LYPD6B: variants seen among roughly 807,000 people sequenced by gnomAD.
The protein encoded by LYPD6B is ly6/PLAUR domain-containing protein 6B.
In LYPD6B, 17 loss-of-function variants were observed where a neutral mutation model predicts 22.8. That is an observed-to-expected ratio of 0.75 (90% CI 0.51 to 1.12). The LOEUF (loss-of-function observed/expected upper bound fraction) is 1.12, where lower values mean the gene tolerates loss of function less well. Among genes scored for constraint, LYPD6B ranks in the 50% most tolerant of loss-of-function variants. The pLI is 0.00. For missense variants in LYPD6B, 221 were observed against 258.3 expected, an observed-to-expected ratio of 0.86 and a Z score of 0.99; for synonymous variants, 106 against 91.6, an observed-to-expected ratio of 1.16 and a Z score of -0.90.
Position 149,120,388 on chromosome 2 carries a change from T to A in LYPD6B, c.-66-10495T>A, listed in dbSNP as rs368127503. On this transcript the variant is annotated intron_variant, in intron 1 of 6. Transcript: ENST00000409642. ...ATATATATATATATATATATATTTT[T>A]TTTTTTTTTTTTTTGAGATGGAGTC... Among the ~76,000 whole-genome samples the A allele has an allele frequency of 2.8e-3, 244 of 87,198 alleles. 4 individuals carry two copies. The highest frequency in any genetic ancestry group is 0.012 in the South Asian group (30 of 2,414). The allele number at this position is 87,198 out of a possible 152,430, so 57.2% of individuals were successfully genotyped here.
chr2:149,085,376 T>C (rs1047432857), intron 1 of LYPD6B, among the ~76,000 whole-genome samples: 40 of 152,352 alleles, frequency 2.6e-4, no homozygotes, highest in Middle Eastern at 3.4e-3. Flanking sequence ...TTGGTGGCAA[T>C]GCCCTTGCAG....
intron 1 of LYPD6B, among the ~76,000 whole-genome samples, chr2:149,120,784 CTTTTTTTTT>C (rs567231544): frequency 2.1e-5 from 2 of 95,554 alleles, no homozygotes. Flanking sequence ...GCTACAAAGT[CTTTTTTTTT>C]TTTTTTTTTT....
At chr2:149,156,620 C>T (rs1054571461) in intron 2 of LYPD6B, among the ~76,000 whole-genome samples, 1 of 152,126 alleles carries the variant, frequency 6.6e-6, no homozygotes, top group African/African-American at 2.4e-5. Context: ...TCTGTATGTA[C>T]GTGTCCCGAT....
At chr2:149,098,643 A>AAAAAGAAAAGAAAG (rs1553482537) in intron 1 of LYPD6B, among the ~76,000 whole-genome samples, 2 of 130,960 alleles carry the variant, frequency 1.5e-5, no homozygotes, top group African/African-American at 5.8e-5. Context: ...AAAAAAAAAA[A>AAAAAGAAAAGAAAG]AAAAAAGAAA....
At chr2:149,163,512 G>A (rs1030358054) in intron 3 of LYPD6B, among the ~76,000 whole-genome samples, 1 of 152,190 alleles carries the variant, frequency 6.6e-6, no homozygotes, top group African/African-American at 2.4e-5. Flanking sequence ...CATCATGGCT[G>A]TCCAGCTTAT....
At chr2:149,112,130 G>A (rs538911517) in intron 1 of LYPD6B, among the ~76,000 whole-genome samples, 26 of 152,272 alleles carry the variant, frequency 1.7e-4, no homozygotes, top group Admixed American at 9.2e-4. Context: ...ATAAGCAGCT[G>A]TTGAAGTTGT....
chr2:149,207,385 T>G (rs1184087435), intron 4 of LYPD6B, among the ~76,000 whole-genome samples: 3 of 152,142 alleles, frequency 2.0e-5, no homozygotes, highest in East Asian at 3.8e-4. Context: ...ATGAAGAGAA[T>G]GAAACAGTGT....
chr2:149,045,578 T>G (rs1236152160), intron 1 of LYPD6B, among the ~76,000 whole-genome samples: 1 of 152,126 alleles, frequency 6.6e-6, no homozygotes, highest in East Asian at 1.9e-4. Context: ...ATTATACAAT[T>G]TTGAAATGTA....
At chr2:149,039,639 T>C (rs1246052562) in intron 1 of LYPD6B, among the ~76,000 whole-genome samples, 1 of 152,260 alleles carries the variant, frequency 6.6e-6, no homozygotes, top group Middle Eastern at 3.2e-3. Context: ...TTAGGTTATA[T>C]GATGTTCATG....
At chr2:149,097,153 T>C (rs986874417) in intron 1 of LYPD6B, among the ~76,000 whole-genome samples, 1 of 152,234 alleles carries the variant, frequency 6.6e-6, no homozygotes, top group Non-Finnish European at 1.5e-5. Context: ...CATGGCACCA[T>C]GTGCCACTGT....
chr2:149,131,716 G>A (rs1168184704), intron 2 of LYPD6B: 1 of 152,180 alleles, frequency 6.6e-6, no homozygotes, highest in East Asian at 1.9e-4. Context: ...GGATGGAAAA[G>A]CTGTCAGATC....
At chr2:149,064,080 T>C (rs999705356) in intron 1 of LYPD6B, among the ~76,000 whole-genome samples, 1 of 152,230 alleles carries the variant, frequency 6.6e-6, no homozygotes, top group African/African-American at 2.4e-5. Context: ...CAAAATCTGA[T>C]TATACTGATT....
chr2:149,120,375 A>T (rs1559009930), intron 1 of LYPD6B, among the ~76,000 whole-genome samples: 3 of 30,702 alleles, frequency 9.8e-5, no homozygotes, highest in East Asian at 1.7e-3. Context: ...ATATATATAT[A>T]TATATATATT....
chr2:149,095,016 G>C (rs140205428), intron 1 of LYPD6B, among the ~76,000 whole-genome samples: 10 of 152,238 alleles, frequency 6.6e-5, no homozygotes, highest in Non-Finnish European at 1.5e-4. Context: ...AGGTGGCCGG[G>C]AGTGGTGGCT....
At chr2:149,084,830 G>A (rs2105412706) in intron 1 of LYPD6B, among the ~76,000 whole-genome samples, 1 of 152,132 alleles carries the variant, frequency 6.6e-6, no homozygotes, top group South Asian at 2.1e-4. Context: ...TCTTAGCCTT[G>A]TCTGCCCTTG....
intron 1 of LYPD6B, among the ~76,000 whole-genome samples, chr2:149,067,921 C>T (rs1004934748): frequency 2.0e-5 from 3 of 152,082 alleles, no homozygotes; most frequent in African/African-American, 4.8e-5. Context: ...TGGAAGAATG[C>T]GTGACCACCC....
intron 2 of LYPD6B, among the ~76,000 whole-genome samples, chr2:149,154,838 T>A (rs2105849219): frequency 6.6e-6 from 1 of 152,302 alleles, no homozygotes; most frequent in East Asian, 1.9e-4. Context: ...CAATGCTATA[T>A]GCTAGGGACC....
chr2:149,057,390 C>T (rs1683854156), intron 1 of LYPD6B, among the ~76,000 whole-genome samples: 1 of 131,376 alleles, frequency 7.6e-6, no homozygotes, highest in Non-Finnish European at 1.7e-5. Context: ...CTGCCCTGCA[C>T]TTTTTTTTTT....
intron 1 of LYPD6B, among the ~76,000 whole-genome samples, chr2:149,059,823 CAG>C (rs1683990293): frequency 6.6e-6 from 1 of 152,176 alleles, no homozygotes; most frequent in South Asian, 2.1e-4. Context: ...GGAGAACACT[CAG>C]AATAAAGCAG....
Sources: allele counts gnomAD v4.1 joint callset (sites outside exome capture counted in the v4.1 genomes callset), GRCh38; gene constraint gnomAD v4.1.1; transcripts MANE v1.5; gene names NCBI Gene and HGNC (gene_info 2026-07-23, HGNC 2026-07-21).